Variants in AHCYL1 observed in about 807,000 individuals in gnomAD.
The protein encoded by AHCYL1 is S-adenosylhomocysteine hydrolase-like protein 1.
In AHCYL1, 20 loss-of-function variants were observed where a neutral mutation model predicts 79.3. The ratio of observed to expected loss-of-function variants is 0.25; its 90% CI spans 0.18 to 0.37. AHCYL1 has a LOEUF of 0.37. Ranked by LOEUF, AHCYL1 falls within the 10% of genes least tolerant of loss-of-function variation. The probability of loss-of-function intolerance (pLI) is 1.00; values close to 1 mark genes in which losing one functional copy is unlikely to be tolerated. For missense variants in AHCYL1, 330 were observed against 673.6 expected (o/e 0.49, Z 5.65); for synonymous variants, 223 against 242.2 (o/e 0.92, Z 0.74).
intron 7 of AHCYL1, 128 bp from the exon 8 acceptor site, chr1:110,016,216 C>G (rs1457108548): frequency 1.6e-6 from 1 of 631,192 alleles, no homozygotes; most frequent in East Asian, 2.7e-5. Flanking sequence ...TTCTAATATC[C>G]TTGGGCAATA....
At chr1:110,008,968 T>TA (rs567994812) in intron 1 of AHCYL1, 66 bp from the exon 2 acceptor site, 128,514 of 969,152 alleles carry the variant, frequency 0.13, no homozygotes, top group South Asian at 0.17. Context: ...AATGTATCCT[T>TA]AAAAAAAAAA....
chr1:110,014,056 CT>C (rs1347407660), intron 5 of AHCYL1, among the ~76,000 whole-genome samples: 1 of 151,998 alleles, frequency 6.6e-6, no homozygotes, highest in African/African-American at 2.4e-5. Flanking sequence ...CTGCCTTGGC[CT>C]CCCAAAGTGC....
chr1:109,986,542 A>G (rs78946481), intron 1 of AHCYL1, among the ~76,000 whole-genome samples: 2 of 152,334 alleles, frequency 1.3e-5, no homozygotes, highest in East Asian at 1.9e-4. Flanking sequence ...ACCCTTTGCA[A>G]TCTGCACTAT....
chr1:110,004,316 G>T (rs1026130945), intron 1 of AHCYL1: 12 of 985,460 alleles, frequency 1.2e-5, no homozygotes, highest in Non-Finnish European at 1.4e-5. Flanking sequence ...GACAGGGAAG[G>T]AGAGCCGGGA....
chr1:110,019,570 A>G lies in AHCYL1; in HGVS notation c.1409A>G (p.Tyr470Cys), dbSNP rs1557776962. ...TAGGCTTTGGCACTGATAGAACTCT[A>G]TAATGCACCCGAGGGGCGATACAAG... is the stretch of plus-strand genomic sequence containing the variant. ...TTQALALIEL[Y>C]NAPEGRYKQD... The change falls in exon 15 of 17, where the codon TAT becomes TGT. Residue 470 changes from tyrosine to cysteine, a missense_variant. Around this residue, in one of 6 missense-constraint regions of AHCYL1, gnomAD observed 119 missense variants for 293.3 expected, o/e 0.41. Transcript: ENST00000369799. 1.2e-6 allele frequency: 2 copies of G among 1,612,792 alleles called. No homozygotes were observed. The highest frequency in any genetic ancestry group is 1.7e-6 in the Non-Finnish European group (2 of 1,179,710).
At chr1:109,994,142 C>A (rs1274723188) in intron 1 of AHCYL1, among the ~76,000 whole-genome samples, 2 of 152,234 alleles carry the variant, frequency 1.3e-5, no homozygotes, top group African/African-American at 4.8e-5. Flanking sequence ...CAATGCTTAT[C>A]CTAGCCAGAA....
chr1:110,003,604 T>A (rs1650454291), intron 1 of AHCYL1, among the ~76,000 whole-genome samples: 1 of 152,106 alleles, frequency 6.6e-6, no homozygotes, highest in Admixed American at 6.5e-5. Flanking sequence ...GTACTGATTT[T>A]TTTTTTTAAA....
At chr1:110,006,418 A>G (rs893844551) in intron 1 of AHCYL1, among the ~76,000 whole-genome samples, 1 of 152,224 alleles carries the variant, frequency 6.6e-6, no homozygotes, top group African/African-American at 2.4e-5. Context: ...GGAAGAAATT[A>G]TGATGATAGG....
intron 1 of AHCYL1, among the ~76,000 whole-genome samples, chr1:109,993,971 A>G (rs1196676985): frequency 6.6e-6 from 1 of 152,206 alleles, no homozygotes; most frequent in Non-Finnish European, 1.5e-5. Flanking sequence ...GTAATAAACA[A>G]CAGCTCCGTC....
At chr1:110,005,929 C>T (rs570305942) in intron 1 of AHCYL1, among the ~76,000 whole-genome samples, 4 of 147,550 alleles carry the variant, frequency 2.7e-5, no homozygotes, top group African/African-American at 7.3e-5. Context: ...GTGCATATAC[C>T]CCAAATTATT....
intron 1 of AHCYL1, chr1:110,004,325 G>A: frequency 1.0e-6 from 1 of 985,454 alleles, no homozygotes; most frequent in Non-Finnish European, 1.2e-6. Context: ...GGAGAGCCGG[G>A]AGCAGCCAAA....
chr1:110,018,958 A>T, intron 13 of AHCYL1, 93 bp from the exon 14 acceptor site: 1 of 1,129,860 alleles, frequency 8.9e-7, no homozygotes, highest in Non-Finnish European at 1.4e-6. Flanking sequence ...CTGAGTCTAG[A>T]GGGGTGTAAA....
intron 11 of AHCYL1, 112 bp downstream of exon 11, chr1:110,018,128 C>T: frequency 8.4e-7 from 1 of 1,185,724 alleles, no homozygotes; most frequent in Non-Finnish European, 1.2e-6. Flanking sequence ...GGTCTCAGAA[C>T]TAGAATAAGC....
intron 1 of AHCYL1, among the ~76,000 whole-genome samples, chr1:110,002,036 G>A (rs921209178): frequency 1.3e-5 from 2 of 152,124 alleles, no homozygotes; most frequent in African/African-American, 2.4e-5. Context: ...ACTTTTGTAT[G>A]CATTATAGAA....
intron 1 of AHCYL1, chr1:110,004,381 G>T (rs781308769): frequency 2.8e-5 from 28 of 985,496 alleles, no homozygotes; most frequent in Non-Finnish European, 3.3e-5. Flanking sequence ...GGGAATGGAA[G>T]AAGTGACTGG....
At chr1:110,009,439 A>G (rs968580654) in intron 2 of AHCYL1, among the ~76,000 whole-genome samples, 3 of 152,208 alleles carry the variant, frequency 2.0e-5, no homozygotes, top group African/African-American at 7.2e-5. Context: ...TTTCAAAAGG[A>G]AGAAATCAAT....
chr1:110,001,074 T>C (rs1247896393), intron 1 of AHCYL1: 1 of 503,728 alleles, frequency 2.0e-6, no homozygotes, highest in East Asian at 1.5e-4. Context: ...CCAGTGATGC[T>C]TGTTCTTTGT....
chr1:109,999,883 C>T (rs1004378950), intron 1 of AHCYL1, among the ~76,000 whole-genome samples: 9 of 152,074 alleles, frequency 5.9e-5, no homozygotes, highest in Non-Finnish European at 1.3e-4. Flanking sequence ...TGCACCTGGC[C>T]AAATATAACT....
At chr1:109,990,701 T>C (rs1649714350) in intron 1 of AHCYL1, among the ~76,000 whole-genome samples, 1 of 152,002 alleles carries the variant, frequency 6.6e-6, no homozygotes, top group African/African-American at 2.4e-5. Context: ...TTTGATGGAG[T>C]TGAGATGTCC....
Sources: gnomAD v4.1 joint callset for allele counts (sites outside exome capture counted in the v4.1 genomes callset) on GRCh38, gnomAD v4.1.1 for gene constraint, gnomAD v4.1.1 regional missense constraint, MANE v1.5 for transcripts, NCBI Gene and HGNC (gene_info 2026-07-23, HGNC 2026-07-21) for gene names.